The following BTBD9 variants were observed in gnomAD, a reference collection of about 807,000 sequenced individuals.
The protein encoded by BTBD9 is BTB domain containing 9.
BTBD9 carries 49 observed loss-of-function variants against 64.3 expected under a neutral mutation model. The ratio of observed to expected loss-of-function variants is 0.76; its 90% CI spans 0.61 to 0.97. BTBD9 has a LOEUF of 0.97. Among genes scored for constraint, BTBD9 ranks in the 50% least tolerant of loss-of-function variants. BTBD9 has a pLI of 0.00. For missense variants in BTBD9, 598 were observed against 762.1 expected, an observed-to-expected ratio of 0.78 and a Z score of 2.53; for synonymous variants, 260 against 274.7, an observed-to-expected ratio of 0.95 and a Z score of 0.53.
At chr6:38,269,076 C>T (rs1371351946) in intron 8 of BTBD9, among the ~76,000 whole-genome samples, 1 of 152,160 alleles carries the variant, frequency 6.6e-6, no homozygotes, top group Non-Finnish European at 1.5e-5. Context: ...GTTGCAAGTG[C>T]TATACAATTT....
intron 6 of BTBD9, among the ~76,000 whole-genome samples, chr6:38,507,827 A>C (rs971580411): frequency 6.7e-6 from 1 of 149,364 alleles, no homozygotes; most frequent in African/African-American, 2.5e-5. Context: ...ATGTCTCCCA[A>C]ATTTTTTTTT....
At chr6:38,362,234 C>A (rs1480368756) in intron 6 of BTBD9, among the ~76,000 whole-genome samples, 1 of 152,174 alleles carries the variant, frequency 6.6e-6, no homozygotes, top group Non-Finnish European at 1.5e-5. Flanking sequence ...TTAATTTCTC[C>A]CTCATCAGTG....
chr6:38,277,337 C>CT lies in BTBD9; in HGVS notation c.1454+10934dup, dbSNP rs1187253487. Among the ~76,000 whole-genome samples the CT allele has an allele frequency of 5.3e-3, 770 of 144,992 alleles. 4 individuals are homozygous for CT. The highest frequency in any genetic ancestry group is 0.013 in the African/African-American group (533 of 39,792). ...CAGACATAGGCTTTTATTTACAGAA[C>CT]TTTTTTTTTTTTTTGAGATGGAGTC... On this transcript the variant is annotated intron_variant, in intron 8 of 10. Coordinates refer to ENST00000481247, the MANE Select transcript of BTBD9 (RefSeq NM_001099272.2).
In BTBD9 at chr6:38,434,984, C is replaced by T. The variant is rs1468896729; in HGVS notation, c.1155-89891G>A. Among the ~76,000 whole-genome samples, 10 of 151,840 alleles carry T rather than the reference C, an allele frequency of 6.6e-5. 1 individual carries two copies. The highest frequency in any genetic ancestry group is 1.9e-4 in the East Asian group (1 of 5,178). On this transcript the variant is annotated intron_variant, in intron 6 of 10. Transcript: ENST00000481247. ...CCGAGGCAGGTGGATCACCTGAGGT[C>T]GGGAGTTCGAGACCAGCCTGACCAA...
chr6:38,230,978 T>A (rs573529632), intron 9 of BTBD9, among the ~76,000 whole-genome samples: 11 of 152,362 alleles, frequency 7.2e-5, no homozygotes, highest in African/African-American at 2.4e-4. Flanking sequence ...CCTACTAGGA[T>A]GTAAACTGAT....
intron 8 of BTBD9, among the ~76,000 whole-genome samples, chr6:38,263,296 TGACATTAAATGTCGA>T (rs1764856549): frequency 6.6e-6 from 1 of 152,262 alleles, no homozygotes; most frequent in Non-Finnish European, 1.5e-5. Flanking sequence ...TCATCCTTTG[TGACATTAAATGTCGA>T]GATTTGATGG....
chr6:38,203,281 C>T (rs904962254), intron 9 of BTBD9, among the ~76,000 whole-genome samples: 1 of 152,068 alleles, frequency 6.6e-6, no homozygotes, highest in Non-Finnish European at 1.5e-5. Context: ...CAATAAACTA[C>T]TACTATTTTT....
intron 6 of BTBD9, among the ~76,000 whole-genome samples, chr6:38,491,383 G>A (rs1398455845): frequency 6.6e-6 from 1 of 152,208 alleles, no homozygotes; most frequent in East Asian, 1.9e-4. Context: ...ACAGGGTCAT[G>A]AGAAATCACA....
chr6:38,557,647 T>C (rs1401944318), intron 6 of BTBD9, among the ~76,000 whole-genome samples: 1 of 152,218 alleles, frequency 6.6e-6, no homozygotes, highest in Non-Finnish European at 1.5e-5. Context: ...CTTCTACCTG[T>C]TTATAAAAAC....
At chr6:38,591,208 G>A (rs1776776187) in intron 4 of BTBD9, among the ~76,000 whole-genome samples, 2 of 152,102 alleles carry the variant, frequency 1.3e-5, no homozygotes. Flanking sequence ...CCTTCACATA[G>A]TTTCTTTGCT....
intron 7 of BTBD9, among the ~76,000 whole-genome samples, chr6:38,335,007 T>C (rs1344658878): frequency 1.3e-5 from 2 of 152,116 alleles, no homozygotes; most frequent in African/African-American, 2.4e-5. Flanking sequence ...AATTTCCCCA[T>C]GCTGTTCTCA....
chr6:38,423,239 T>A (rs1183667752), intron 6 of BTBD9, among the ~76,000 whole-genome samples: 1 of 152,138 alleles, frequency 6.6e-6, no homozygotes, highest in Non-Finnish European at 1.5e-5. Context: ...CACTCCAGCC[T>A]GGGCAACAGA....
At chr6:38,418,117 C>A (rs1304442338) in intron 6 of BTBD9, among the ~76,000 whole-genome samples, 1 of 152,064 alleles carries the variant, frequency 6.6e-6, no homozygotes, top group Non-Finnish European at 1.5e-5. Flanking sequence ...TCAGATTTAA[C>A]CGCATTGGAA....
chr6:38,544,039 T>C (rs1430000987), intron 6 of BTBD9, among the ~76,000 whole-genome samples: 2 of 151,838 alleles, frequency 1.3e-5, no homozygotes, highest in African/African-American at 4.8e-5. Flanking sequence ...GTAAATTATA[T>C]AGTAAGTTGG....
chr6:38,464,370 C>A (rs566112511), intron 6 of BTBD9, among the ~76,000 whole-genome samples: 2 of 147,628 alleles, frequency 1.4e-5, no homozygotes, highest in Admixed American at 6.8e-5. Context: ...GTTAAACCAG[C>A]CTTGCATTCA....
chr6:38,335,254 ATTT>A (rs200450470), intron 7 of BTBD9, among the ~76,000 whole-genome samples: 1 of 140,892 alleles, frequency 7.1e-6, no homozygotes, highest in Non-Finnish European at 1.5e-5. Context: ...TTAATTTTAA[ATTT>A]TTTTTTTTTT....
intron 6 of BTBD9, among the ~76,000 whole-genome samples, chr6:38,407,479 A>T (rs542344993): frequency 2.9e-3 from 439 of 152,206 alleles, no homozygotes; most frequent in Non-Finnish European, 3.9e-3. Flanking sequence ...CCGGATCAGG[A>T]CGAGAAGCAG....
chr6:38,223,028 C>T (rs1031099293), intron 9 of BTBD9, among the ~76,000 whole-genome samples: 1 of 152,174 alleles, frequency 6.6e-6, no homozygotes, highest in Non-Finnish European at 1.5e-5. Context: ...TGCCTCGCCT[C>T]TCAAGTAGCT....
At chr6:38,426,837 GGCTTGCCACCATCTCGGAAGCA>G (rs1020194163) in intron 6 of BTBD9, among the ~76,000 whole-genome samples, 13 of 151,922 alleles carry the variant, frequency 8.6e-5, no homozygotes, top group Middle Eastern at 3.4e-3. Flanking sequence ...GAGAACACGA[GGCTTGCCACCATCTCGGAAGCA>G]GCTTGCCACC....
Sources: gnomAD v4.1 joint callset for allele counts (sites outside exome capture counted in the v4.1 genomes callset) on GRCh38, gnomAD v4.1.1 for gene constraint, MANE v1.5 for transcripts, NCBI Gene and HGNC (gene_info 2026-07-23, HGNC 2026-07-21) for gene names.